The following HMHB1 variants were observed in gnomAD, a reference collection of about 807,000 sequenced individuals.
The protein encoded by HMHB1 is histocompatibility minor HB-1, also known as minor histocompatibility protein HB-1.
In HMHB1, 4 loss-of-function variants were observed where a neutral mutation model predicts 2.4. The ratio of observed to expected loss-of-function variants is 1.65; its 90% CI spans 0.81 to 3.77. HMHB1 has a LOEUF of 3.77. HMHB1 is among the 30% of genes most tolerant of loss of function. The pLI is 0.01. For synonymous variants in HMHB1, 22 were observed against 17.6 expected, an observed-to-expected ratio of 1.25 and a Z score of -0.63; for missense variants, 57 against 44.2, an observed-to-expected ratio of 1.29 and a Z score of -0.82.
At chr5:143,817,812 A>C (rs962825004) in intron 1 of HMHB1, among the ~76,000 whole-genome samples, 3 of 152,192 alleles carry the variant, frequency 2.0e-5, no homozygotes, top group Non-Finnish European at 4.4e-5. Flanking sequence ...TCATTTTCAC[A>C]ATATTGATTT....
At chr5:143,819,897 C>T (rs1159966722) in intron 1 of HMHB1, among the ~76,000 whole-genome samples, 1 of 152,116 alleles carries the variant, frequency 6.6e-6, no homozygotes, top group African/African-American at 2.4e-5. Context: ...TCTCATTTCA[C>T]ATAGGCTTGG....
intron 1 of HMHB1, among the ~76,000 whole-genome samples, chr5:143,819,430 T>A (rs1210687071): frequency 1.3e-5 from 2 of 152,134 alleles, no homozygotes. Flanking sequence ...CCTAATACAG[T>A]TTAAAAAGGG....
At chr5:143,814,153 A>T (rs1759723080) in intron 1 of HMHB1, among the ~76,000 whole-genome samples, 1 of 152,222 alleles carries the variant, frequency 6.6e-6, no homozygotes, top group Admixed American at 6.5e-5. Flanking sequence ...AGCATACTGA[A>T]ATCACAACTG....
Position 143,812,177 on chromosome 5 carries a change from C to A in HMHB1, c.-91C>A. 2 of 1,196,396 alleles carry A rather than the reference C, an allele frequency of 1.7e-6. No homozygotes were observed. The highest frequency in any genetic ancestry group is 2.4e-6 in the Non-Finnish European group (2 of 832,794). The allele number at this position is 1,196,396 out of a possible 1,614,324, so 74.1% of individuals were successfully genotyped here. Reference sequence around the variant, plus strand: ...ATGAGGAAACCACATCCCAGGAGGCCGAGGCGGCTTGCCCCGCATCTCAGA... The same window carrying A: ...ATGAGGAAACCACATCCCAGGAGGCAGAGGCGGCTTGCCCCGCATCTCAGA... On this transcript the variant is annotated 5_prime_UTR_variant, in exon 1 of 2. Transcript: ENST00000289448.
chr5:143,812,797 G>A (rs1222671911), intron 1 of HMHB1, among the ~76,000 whole-genome samples: 1 of 152,078 alleles, frequency 6.6e-6, no homozygotes, highest in Non-Finnish European at 1.5e-5. Flanking sequence ...ATGTGCCGGG[G>A]GCTTTGCATG....
intron 1 of HMHB1, among the ~76,000 whole-genome samples, chr5:143,819,987 T>C (rs1268936035): frequency 6.6e-6 from 1 of 152,182 alleles, no homozygotes; most frequent in Non-Finnish European, 1.5e-5. Context: ...ATTGGCTTAA[T>C]GTTTTTCTGC....
chr5:143,817,445 C>T (rs1466573094), intron 1 of HMHB1, among the ~76,000 whole-genome samples: 1 of 152,172 alleles, frequency 6.6e-6, no homozygotes, highest in Non-Finnish European at 1.5e-5. Context: ...TATCCCACCA[C>T]CATTTGTTGA....
intron 1 of HMHB1, among the ~76,000 whole-genome samples, chr5:143,816,434 T>TA (rs1404230516): frequency 1.3e-5 from 2 of 152,186 alleles, no homozygotes; most frequent in Non-Finnish European, 2.9e-5. Flanking sequence ...AGCTCTCACT[T>TA]ATGAGTGAGA....
chr5:143,820,549 C>T lies in HMHB1; in HGVS notation c.107C>T (p.Ser36Phe), dbSNP rs1421609913. Reference sequence around the variant, plus strand: ...GATGTGTATCTGAGGCACAGCTCTTCCCTGACTTATAGGCTTTGACACTGC... The same window carrying T: ...GATGTGTATCTGAGGCACAGCTCTTTCCTGACTTATAGGCTTTGACACTGC... The change falls in exon 2 of 2, where the codon TCC becomes TTC. Residue 36 changes from serine to phenylalanine, a missense_variant. Coordinates refer to ENST00000289448, the MANE Select transcript of HMHB1 (RefSeq NM_021182.3). 1.2e-6 allele frequency: 2 copies of T among 1,612,256 alleles called. No homozygotes were observed. Among genetic ancestry groups the T allele is most frequent in the Admixed American group, 1.7e-5 (1 of 59,976 alleles).
chr5:143,816,057 C>A (rs1759746575), intron 1 of HMHB1, among the ~76,000 whole-genome samples: 1 of 152,128 alleles, frequency 6.6e-6, no homozygotes, highest in Non-Finnish European at 1.5e-5. Flanking sequence ...TCTCAGATAA[C>A]CCAAAAGAAT....
chr5:143,815,831 C>A (rs1007622737), intron 1 of HMHB1, among the ~76,000 whole-genome samples: 1 of 150,602 alleles, frequency 6.6e-6, no homozygotes, highest in African/African-American at 2.5e-5. Context: ...CTCAGCCTCC[C>A]GAGTAGCTGG....
intron 1 of HMHB1, among the ~76,000 whole-genome samples, chr5:143,817,992 A>G (rs1759768239): frequency 6.6e-6 from 1 of 152,236 alleles, no homozygotes; most frequent in Admixed American, 6.5e-5. Context: ...AGACAGCAAT[A>G]TCCCCAAACT....
rs1369582588 is a variant in HMHB1, at chr5:143,815,717, T to A, written c.37+3413T>A. Among the ~76,000 whole-genome samples the A allele has an allele frequency of 6.2e-3, 883 of 143,206 alleles. 7 individuals are homozygous for A. The highest frequency in any genetic ancestry group is 0.016 in the African/African-American group (574 of 36,104). The allele number at this position is 143,206 out of a possible 152,430, so 93.9% of individuals were successfully genotyped here. On this transcript the variant is annotated intron_variant, in intron 1 of 1. Transcript: ENST00000289448. ...TAATTTTTGTATTTTTTTTTTTTTTTGAGACGGAGTCTCGCTCTGTCGCCC... is the reference window on the plus strand; with the variant it reads ...TAATTTTTGTATTTTTTTTTTTTTTAGAGACGGAGTCTCGCTCTGTCGCCC...
At chr5:143,820,088 T>C (rs1759791192) in intron 1 of HMHB1, among the ~76,000 whole-genome samples, 1 of 152,112 alleles carries the variant, frequency 6.6e-6, no homozygotes, top group African/African-American at 2.4e-5. Context: ...TTATTTCTAA[T>C]GAATGAATTC....
intron 1 of HMHB1, among the ~76,000 whole-genome samples, chr5:143,820,076 T>G (rs1279536730): frequency 6.6e-6 from 1 of 152,062 alleles, no homozygotes; most frequent in Non-Finnish European, 1.5e-5. Flanking sequence ...GTATACATGA[T>G]TTTATTTCTA....
intron 1 of HMHB1, among the ~76,000 whole-genome samples, chr5:143,813,314 T>C (rs1198872248): frequency 1.3e-5 from 2 of 152,254 alleles, no homozygotes; most frequent in Non-Finnish European, 2.9e-5. Context: ...ACCTCTTCTA[T>C]GAAGGTTTTA....
chr5:143,818,548 T>G (rs562885921), intron 1 of HMHB1, among the ~76,000 whole-genome samples: 1 of 152,282 alleles, frequency 6.6e-6, no homozygotes, highest in African/African-American at 2.4e-5. Flanking sequence ...TTTATCACAG[T>G]CAGACCAGAG....
At position 143,817,170 on chromosome 5, in the gene HMHB1, T is replaced by C. The variant is rs532825556; in HGVS notation, c.38-3310T>C. On this transcript the variant is annotated intron_variant, in intron 1 of 1. Coordinates refer to ENST00000289448, the MANE Select transcript of HMHB1 (RefSeq NM_021182.3). Reference sequence around the variant, plus strand: ...CTCACTCTGTCAGTCATCTGTTTACTCTGCTGTTTCTTTTGCTGCGTAAAA... The same window carrying C: ...CTCACTCTGTCAGTCATCTGTTTACCCTGCTGTTTCTTTTGCTGCGTAAAA... Among the ~76,000 whole-genome samples the C allele has an allele frequency of 5.3e-5, 8 of 152,376 alleles. No homozygotes were observed. The East Asian group carries it at 7.7e-4, about 15-fold the overall frequency.
intron 1 of HMHB1, among the ~76,000 whole-genome samples, chr5:143,817,077 G>A (rs1429875917): frequency 6.6e-6 from 1 of 152,092 alleles, no homozygotes; most frequent in Non-Finnish European, 1.5e-5. Context: ...ATTTGTTTGA[G>A]TTTGTTGTAG....
Sources: allele counts gnomAD v4.1 joint callset (sites outside exome capture counted in the v4.1 genomes callset), GRCh38; gene constraint gnomAD v4.1.1; transcripts MANE v1.5; gene names NCBI Gene and HGNC (gene_info 2026-07-23, HGNC 2026-07-21).